Variants in SRGAP2 observed in about 807,000 individuals in gnomAD.
SRGAP2 encodes SLIT-ROBO Rho GTPase-activating protein 2.
In SRGAP2, 15 loss-of-function variants were observed where a neutral mutation model predicts 57.2. That is an observed-to-expected ratio of 0.26 (90% CI 0.18 to 0.40). The LOEUF (loss-of-function observed/expected upper bound fraction) is 0.40. SRGAP2 is among the 10% of genes least tolerant of loss of function. The pLI, the probability that SRGAP2 is intolerant of heterozygous loss-of-function variation, is 1.00. For missense variants in SRGAP2, 520 were observed against 669.6 expected (o/e 0.78, Z 2.47); for synonymous variants, 249 against 248.0 (o/e 1.00, Z -0.04).
chr1:206,389,165 CTTTTTTTTTTTTTT>C (rs71274650), intron 5 of SRGAP2, among the ~76,000 whole-genome samples: 2 of 73,074 alleles, frequency 2.7e-5, no homozygotes, highest in African/African-American at 6.3e-5. Flanking sequence ...CTCAGACTTC[CTTTTTTTTTTTTTT>C]TTTTTTTTTT....
intron 3 of SRGAP2, among the ~76,000 whole-genome samples, chr1:206,315,069 AT>A (rs1553325520): frequency 8.3e-6 from 1 of 120,430 alleles, no homozygotes; most frequent in African/African-American, 3.3e-5. Flanking sequence ...AAGAAAAATT[AT>A]TGTAGAGTCT....
In SRGAP2 at chr1:206,444,011, G is replaced by A. The variant is rs372028013; in HGVS notation, c.1875-2064G>A. ...TTGAGACCAGCCTGGCCAACATGGC[G>A]AAACCCTCTCTCTACTAAAAATATA... On this transcript the variant is annotated intron_variant, in intron 17 of 22. Coordinates refer to ENST00000573034, the MANE Select transcript of SRGAP2 (RefSeq NM_015326.5). 3.7e-4 allele frequency among the ~76,000 whole-genome samples: 56 copies of A among 152,124 alleles called. 1 individual carries two copies. The highest frequency in any genetic ancestry group is 1.2e-3 in the African/African-American group (51 of 41,518).
intron 18 of SRGAP2, 34 bp downstream of exon 18, chr1:206,446,333 T>C: frequency 1.3e-6 from 1 of 778,752 alleles, no homozygotes; most frequent in Non-Finnish European, 2.4e-6. Flanking sequence ...AGGGGAGGGA[T>C]TCACTAGCAC....
In SRGAP2 at chr1:206,453,385, G is replaced by GT; in HGVS notation, c.2360+7dup. On this transcript the variant is annotated splice_donor_region_variant and intron_variant, in intron 20 of 22. Coordinates refer to ENST00000573034, the MANE Select transcript of SRGAP2 (RefSeq NM_015326.5). ...GTACATCGTGGTCCAAGACACGTACGTTGGGCCCATGGCATCTTTGGGGGT... is the reference window on the plus strand; with the variant it reads ...GTACATCGTGGTCCAAGACACGTACGTTTGGGCCCATGGCATCTTTGGGGGT... 1 of 657,998 alleles carries GT rather than the reference G, an allele frequency of 1.5e-6. No individual in the cohort carries two copies. Among genetic ancestry groups the GT allele is most frequent in the South Asian group, 1.7e-5 (1 of 58,294 alleles). The allele number at this position is 657,998 out of a possible 1,614,324, so 40.8% of individuals were successfully genotyped here. A position where few individuals can be genotyped will look rare whatever the true frequency, so the allele number is the denominator to read the frequency against.
At chr1:206,458,046 C>G (rs1217030450) in intron 21 of SRGAP2, among the ~76,000 whole-genome samples, 1 of 152,184 alleles carries the variant, frequency 6.6e-6, no homozygotes, top group African/African-American at 2.4e-5. Flanking sequence ...GGTATTTCCA[C>G]ACTAAGAAAA....
At chr1:206,361,452 C>T (rs1553340593) in intron 4 of SRGAP2, among the ~76,000 whole-genome samples, 2 of 152,206 alleles carry the variant, frequency 1.3e-5, no homozygotes, top group Non-Finnish European at 2.9e-5. Flanking sequence ...ACTTCTTGCC[C>T]ACTTTGCCTC....
chr1:206,290,445 G>A (rs1429862764), intron 2 of SRGAP2, among the ~76,000 whole-genome samples: 2 of 151,982 alleles, frequency 1.3e-5, no homozygotes, highest in East Asian at 1.9e-4. Context: ...TCAGGAGTTC[G>A]AGACCAGCCT....
chr1:206,258,066 A>C (rs1380460962), intron 2 of SRGAP2, among the ~76,000 whole-genome samples: 4 of 152,076 alleles, frequency 2.6e-5, no homozygotes, highest in Non-Finnish European at 5.9e-5. Context: ...CAGAGGAGCA[A>C]GTAATAGTCA....
chr1:206,442,604 G>A (rs1339015545), intron 17 of SRGAP2, among the ~76,000 whole-genome samples: 6 of 152,168 alleles, frequency 3.9e-5, no homozygotes, highest in African/African-American at 9.7e-5. Context: ...GACAGCATAG[G>A]AATTGCACCA....
At chr1:206,228,411 C>T (rs1667409520) in intron 2 of SRGAP2, among the ~76,000 whole-genome samples, 1 of 150,232 alleles carries the variant, frequency 6.7e-6, no homozygotes, top group Non-Finnish European at 1.5e-5. Flanking sequence ...ATATATAAAA[C>T]TTATTATGCA....
intron 4 of SRGAP2, among the ~76,000 whole-genome samples, chr1:206,354,021 G>A (rs372712990): frequency 0.012 from 1,892 of 151,870 alleles, 21 homozygotes; most frequent in South Asian, 0.026. Flanking sequence ...GAACTCTGGG[G>A]CTCAAATGAT....
At chr1:206,418,881 ACTCT>A (rs146895320) in intron 11 of SRGAP2, among the ~76,000 whole-genome samples, 5 of 98,024 alleles carry the variant, frequency 5.1e-5, no homozygotes, top group African/African-American at 2.4e-4. Flanking sequence ...TCAGCCTCCA[ACTCT>A]CTCTGTGTGT....
intron 21 of SRGAP2, among the ~76,000 whole-genome samples, chr1:206,457,072 C>T (rs534132832): frequency 1.3e-5 from 2 of 152,118 alleles, no homozygotes; most frequent in Non-Finnish European, 2.9e-5. Context: ...GATTGAGCTC[C>T]TTGAACCCAG....
chr1:206,253,380 T>G (rs1302156875), intron 2 of SRGAP2, among the ~76,000 whole-genome samples: 1 of 151,068 alleles, frequency 6.6e-6, no homozygotes, highest in Non-Finnish European at 1.5e-5. Flanking sequence ...TCTTGCCCTC[T>G]TGCTCTTTCG....
chr1:206,444,297 A>G (rs750807356), intron 17 of SRGAP2, among the ~76,000 whole-genome samples: 3 of 152,232 alleles, frequency 2.0e-5, no homozygotes, highest in African/African-American at 7.2e-5. Context: ...TAGACCTAGA[A>G]TCATGAGACC....
chr1:206,348,067 G>C (rs1675777458), intron 4 of SRGAP2, among the ~76,000 whole-genome samples: 1 of 147,060 alleles, frequency 6.8e-6, no homozygotes, highest in Admixed American at 6.6e-5. Flanking sequence ...CCCCTTAAGG[G>C]AGGCTCCTTG....
In SRGAP2 at chr1:206,203,548, G is replaced by A. The variant is rs1315077012; in HGVS notation, c.-645G>A. The A allele has an allele frequency of 1.7e-6, 1 of 573,106 alleles. No individual in the cohort carries two copies. Among genetic ancestry groups the A allele is most frequent in the Non-Finnish European group, 3.1e-6 (1 of 322,346 alleles). The allele number at this position is 573,106 out of a possible 1,614,324, so 35.5% of individuals were successfully genotyped here. On this transcript the variant is annotated 5_prime_UTR_variant, in exon 1 of 23. Transcript: ENST00000573034. ...GTTGGCGGAGGCTCCTCCAGGGACT[G>A]GGGCACCGATCTGCGTAGAAACGGG...
intron 13 of SRGAP2, among the ~76,000 whole-genome samples, chr1:206,422,528 C>T (rs1660407945): frequency 6.6e-6 from 1 of 152,116 alleles, no homozygotes; most frequent in Admixed American, 6.6e-5. Flanking sequence ...TTAATAGGTG[C>T]ATATCTTGCA....
chr1:206,456,269 G>A (rs782614241), intron 21 of SRGAP2: 19 of 151,952 alleles, frequency 1.3e-4, no homozygotes, highest in Non-Finnish European at 2.5e-4. Flanking sequence ...TAGTAAAGTC[G>A]TTTATTCAGA....
Sources: allele counts gnomAD v4.1 joint callset (sites outside exome capture counted in the v4.1 genomes callset), GRCh38; gene constraint gnomAD v4.1.1; transcripts MANE v1.5; gene names NCBI Gene and HGNC (gene_info 2026-07-23, HGNC 2026-07-21).